SH3D21: variants seen among roughly 807,000 people sequenced by gnomAD.
The protein encoded by SH3D21 is manchette microtubule inner protein 1.
SH3D21 carries 83 observed loss-of-function variants against 82.1 expected under a neutral mutation model. The observed-to-expected ratio is 1.01, with a 90% CI of 0.85 to 1.21. SH3D21 has a LOEUF of 1.21. Ranked by LOEUF, SH3D21 falls within the 50% of genes most tolerant of loss-of-function variation. SH3D21 has a pLI of 0.00. For missense variants in SH3D21, 980 were observed against 962.1 expected, an observed-to-expected ratio of 1.02 and a Z score of -0.25; for synonymous variants, 383 against 387.8, an observed-to-expected ratio of 0.99 and a Z score of 0.15.
chr1:36,307,817 C>T lies in SH3D21; in HGVS notation c.484C>T (p.Pro162Ser). The T allele has an allele frequency of 6.4e-7, 1 of 1,551,816 alleles. No individual in the cohort carries two copies. The highest frequency in any genetic ancestry group is 2.4e-5 in the East Asian group (1 of 40,914). The change falls in exon 6 of 16, where the codon CCT becomes TCT. Residue 162 changes from proline (P) to serine (S), a missense_variant. Physicochemically the swap from Pro to Ser is moderately conservative, Grantham distance 74. Transcript: ENST00000453908. The surrounding 1 kb of genome is among the most constrained non-coding windows in gnomAD (Gnocchi z 5.4). ...TTCAGTCAGCCCTGGTCCCCAGCGG[C>T]CTCCCAAGGTAAGTTGGCTCAGAGT... ...MPSVSPGPQR[P>S]PKLSSLAYDS...
In SH3D21 at chr1:36,307,294, T is replaced by G. The variant is rs1373377634; in HGVS notation, c.345+9T>G. On this transcript the variant is annotated intron_variant, in intron 4 of 15. Transcript: ENST00000453908. This position sits in a 1 kb window ranked among gnomAD's most constrained non-coding sequence, Gnocchi z 5.4. ...TGGAAATGATAAAGGAGGTGAGGGGTGAGGTGATGGGACCGTTTGGGGGAG... is the reference window on the plus strand; with the variant it reads ...TGGAAATGATAAAGGAGGTGAGGGGGGAGGTGATGGGACCGTTTGGGGGAG... 6.4e-7 allele frequency: 1 copy of G among 1,550,744 alleles called. No individual in the cohort carries two copies. The highest frequency in any genetic ancestry group is 2.4e-5 in the East Asian group (1 of 40,896).
intron 10 of SH3D21, among the ~76,000 whole-genome samples, chr1:36,312,885 T>C (rs976085865): frequency 2.0e-5 from 3 of 152,138 alleles, no homozygotes; most frequent in African/African-American, 7.2e-5. Flanking sequence ...TAAATTTTTT[T>C]GTATTTTTAG....
At chr1:36,325,984 G>A (rs1026944631), downstream of SH3D21, among the ~76,000 whole-genome samples, 1 of 152,188 alleles carries the variant, frequency 6.6e-6, no homozygotes, top group African/African-American at 2.4e-5. Flanking sequence ...GACAGGATAG[G>A]GTAATGCGAT....
intron 10 of SH3D21, among the ~76,000 whole-genome samples, chr1:36,318,540 G>A (rs529128861): frequency 6.6e-6 from 1 of 152,242 alleles, no homozygotes; most frequent in South Asian, 2.1e-4. Context: ...GGAGGCCTGA[G>A]GCAGGCTGGG....
chr1:36,307,032 A>G lies in SH3D21; in HGVS notation c.226+127A>G. ...CCTCGGGGCCGCCCTGCGGTCTGTG[A>G]TTGGTTCTCGAGTGCAATGCTCCGC... On this transcript the variant is annotated intron_variant, in intron 3 of 15. Transcript: ENST00000453908. The surrounding 1 kb of genome is among the most constrained non-coding windows in gnomAD (Gnocchi z 5.4). 3 of 1,448,598 alleles carry G rather than the reference A, an allele frequency of 2.1e-6. No homozygotes were observed. The highest frequency in any genetic ancestry group is 2.5e-4 in the Middle Eastern group (1 of 3,942). The allele number at this position is 1,448,598 out of a possible 1,614,324, so 89.7% of individuals were successfully genotyped here.
At position 36,321,258 on chromosome 1, in the gene SH3D21, G is replaced by C; in HGVS notation, c.*131G>C. ...CACGCCGGTCTGGTCGCTGGGGGCG[G>C]GGCCTGCGCGGGGGCAGGGCCTGGG... On this transcript the variant is annotated 3_prime_UTR_variant, in exon 16 of 16. Transcript: ENST00000453908. This position sits in a 1 kb window ranked among gnomAD's most constrained non-coding sequence, Gnocchi z 6.1. The C allele has an allele frequency of 6.8e-7, 1 of 1,465,388 alleles. No individual in the cohort carries two copies. Among genetic ancestry groups the C allele is most frequent in the South Asian group, 1.4e-5 (1 of 71,688 alleles). 90.8% of individuals were successfully genotyped at this position (1,465,388 alleles called of 1,614,324 possible).
downstream of SH3D21, among the ~76,000 whole-genome samples, chr1:36,330,008 CTT>C (rs1257956096): frequency 6.6e-6 from 1 of 152,164 alleles, no homozygotes; most frequent in African/African-American, 2.4e-5. Context: ...GTCCAGAAGA[CTT>C]CAGCTGAACT....
At chr1:36,326,210 G>C (rs564587060), downstream of SH3D21, among the ~76,000 whole-genome samples, 1 of 149,158 alleles carries the variant, frequency 6.7e-6, no homozygotes, top group Admixed American at 6.9e-5. Flanking sequence ...TGGCCTTGTT[G>C]ATGAGCTTTT....
chr1:36,326,106 A>G (rs1334517802), downstream of SH3D21, among the ~76,000 whole-genome samples: 1 of 152,128 alleles, frequency 6.6e-6, no homozygotes, highest in Admixed American at 6.5e-5. Context: ...GAGTAAGAAC[A>G]TGCTTGGGAT....
downstream of SH3D21, chr1:36,322,748 C>T (rs758069931): frequency 1.7e-5 from 26 of 1,542,512 alleles, no homozygotes; most frequent in Non-Finnish European, 2.1e-5. Flanking sequence ...GGGCGGGGGT[C>T]ACGGAGAGGC....
At chr1:36,309,412 G>A in intron 9 of SH3D21, 136 bp from the exon 10 acceptor site, 1 of 941,962 alleles carries the variant, frequency 1.1e-6, no homozygotes, top group East Asian at 2.7e-5. Flanking sequence ...GGCCAAGCTG[G>A]TCTCGAACTT....
At position 36,320,963 on chromosome 1, in the gene SH3D21, G is replaced by T. The variant is rs1401833693; in HGVS notation, c.2184G>T (p.Gln728His). 1 of 1,571,108 alleles carries T rather than the reference G, an allele frequency of 6.4e-7. No individual in the cohort carries two copies. Among genetic ancestry groups the T allele is most frequent in the Non-Finnish European group, 8.6e-7 (1 of 1,158,178 alleles). ...IWEELKSEKE[Q>H]RRRLEVQVMQ... ...AGGAGCTGAAGAGCGAGAAGGAGCA[G>T]CGCCGGCGGCTGGAGGTGAGGCGCG... The change falls in exon 15 of 16, where the codon CAG (glutamine) becomes CAT (histidine). Residue 728 changes from glutamine (Q) to histidine (H), a missense_variant. Coordinates refer to ENST00000453908, the MANE Select transcript of SH3D21 (RefSeq NM_001162530.2).
chr1:36,306,812 A>G lies in SH3D21; in HGVS notation c.163-30A>G. ...CTCAGCGCGCGCCCCCCGGGAGCTG[A>G]GAGCGCCTTCCCCGTGCCCTGATTC... On this transcript the variant is annotated intron_variant, in intron 2 of 15. Transcript: ENST00000453908. This position sits in a 1 kb window ranked among gnomAD's most constrained non-coding sequence, Gnocchi z 4.5. 9 of 1,293,938 alleles carry G rather than the reference A, an allele frequency of 7.0e-6. No homozygotes were observed. The highest frequency in any genetic ancestry group is 9.1e-6 in the Non-Finnish European group (9 of 988,428). The allele number at this position is 1,293,938 out of a possible 1,614,324, so 80.2% of individuals were successfully genotyped here.
In SH3D21 at chr1:36,306,404, A is replaced by G; in HGVS notation, c.-17A>G. 7.7e-7 allele frequency: 1 copy of G among 1,305,250 alleles called. No individual in the cohort carries two copies. The highest frequency in any genetic ancestry group is 1.0e-6 in the Non-Finnish European group (1 of 988,926). The allele number at this position is 1,305,250 out of a possible 1,614,324, so 80.9% of individuals were successfully genotyped here. On this transcript the variant is annotated 5_prime_UTR_variant, in exon 1 of 16. Coordinates refer to ENST00000453908, the MANE Select transcript of SH3D21 (RefSeq NM_001162530.2). This position sits in a 1 kb window ranked among gnomAD's most constrained non-coding sequence, Gnocchi z 4.5. ...GTCAGAGGGAGCTGCCAGGCTCTGG[A>G]GGGCGCCCCGGAAACCATGGGTAAG...
In SH3D21 at chr1:36,319,987, G is replaced by A. The variant is rs762635637; in HGVS notation, c.1324G>A (p.Asp442Asn). ...SIIPEETLTV[D>N]KPSTPERVFS... ...CATCCCAGAGGAGACCCTGACTGTG[G>A]ACAAACCCTCCACTCCAGAGAGGGT... Residue 442 changes from aspartate to asparagine, a missense_variant, in exon 14 of 16, where the codon GAC becomes AAC. Asp to Asn is a conservative substitution (Grantham distance 23). Coordinates refer to ENST00000453908, the MANE Select transcript of SH3D21 (RefSeq NM_001162530.2). 6.2e-7 allele frequency: 1 copy of A among 1,614,038 alleles called. No homozygotes were observed. Among genetic ancestry groups the A allele is most frequent in the South Asian group, 1.1e-5 (1 of 91,082 alleles).
At chr1:36,311,985 G>A (rs1346026040) in intron 10 of SH3D21, among the ~76,000 whole-genome samples, 2 of 151,812 alleles carry the variant, frequency 1.3e-5, no homozygotes, top group African/African-American at 4.8e-5. Context: ...GTCAGCCACG[G>A]TGCCTGGCTT....
At chr1:36,321,394 G>A, downstream of SH3D21, 6 of 1,335,302 alleles carry the variant, frequency 4.5e-6, no homozygotes, top group South Asian at 1.6e-5. This position sits in a 1 kb window ranked among gnomAD's most constrained non-coding sequence, Gnocchi z 6.1. Context: ...GGTGAGGGGC[G>A]GGGGAGGGTG....
downstream of SH3D21, chr1:36,327,784 G>A (rs1646559968): frequency 3.2e-6 from 4 of 1,261,252 alleles, no homozygotes; most frequent in East Asian, 1.7e-4. Context: ...AGGGTTTTGA[G>A]AAGCACTGCT....
At chr1:36,311,225 T>C (rs1263384297) in intron 10 of SH3D21, among the ~76,000 whole-genome samples, 2 of 151,198 alleles carry the variant, frequency 1.3e-5, no homozygotes, top group Non-Finnish European at 2.9e-5. Context: ...TGCTGTTTTT[T>C]GTTGTTATTG....
Sources: allele counts gnomAD v4.1 joint callset (sites outside exome capture counted in the v4.1 genomes callset), GRCh38; gene constraint gnomAD v4.1.1; non-coding constraint Gnocchi (gnomAD v3.1); transcripts MANE v1.5; gene names NCBI Gene and HGNC (gene_info 2026-07-23, HGNC 2026-07-21).